Variants in CELF1 observed in about 807,000 individuals in gnomAD.
The protein encoded by CELF1 is CUGBP Elav-like family member 1.
In CELF1, 10 loss-of-function variants were observed where a neutral mutation model predicts 61.8. That is an observed-to-expected ratio of 0.16 (90% confidence interval 0.10 to 0.27). CELF1 has a LOEUF of 0.27. CELF1 is among the 10% of genes least tolerant of loss of function. The pLI is 1.00. For synonymous variants in CELF1, 236 were observed against 225.1 expected (o/e 1.05, Z -0.43); for missense variants, 380 against 639.1 (o/e 0.59, Z 4.37).
intron 1 of CELF1, among the ~76,000 whole-genome samples, chr11:47,526,327 GA>G (rs1303618730): frequency 6.6e-6 from 1 of 151,698 alleles, no homozygotes; most frequent in Non-Finnish European, 1.5e-5. Flanking sequence ...TCTCAAGGAA[GA>G]AAAAAAGAAG....
chr11:47,548,469 T>C (rs1021422200), intron 1 of CELF1, among the ~76,000 whole-genome samples: 6 of 152,098 alleles, frequency 3.9e-5, no homozygotes, highest in African/African-American at 1.2e-4. Context: ...ATATCGAACA[T>C]GAAATATTTT....
chr11:47,468,789 G>A lies in CELF1; in HGVS notation c.*3441C>T, dbSNP rs2077087786. 6.6e-6 allele frequency: 1 copy of A among 152,578 alleles called. No homozygotes were observed. Among genetic ancestry groups the A allele is most frequent in the African/African-American group, 2.4e-5 (1 of 41,430 alleles). 9.5% of individuals were successfully genotyped at this position (152,578 alleles called of 1,614,324 possible). ...CAAAGGTCAACACAAGGTCAAAGGT[G>A]AGAGTTCAAGCATCAGAGAAGCTGA... On this transcript the variant is annotated 3_prime_UTR_variant, in exon 15 of 15. Coordinates refer to ENST00000687097, the MANE Select transcript of CELF1 (RefSeq NM_001376376.1).
At chr11:47,506,870 A>G (rs1391978075) in intron 1 of CELF1, 2 of 152,264 alleles carry the variant, frequency 1.3e-5, no homozygotes, top group Non-Finnish European at 2.9e-5. Context: ...GTAGCTTTAC[A>G]CTTCCCTCTC....
chr11:47,532,133 C>G (rs572143698), intron 1 of CELF1, among the ~76,000 whole-genome samples: 1 of 151,980 alleles, frequency 6.6e-6, no homozygotes, highest in African/African-American at 2.4e-5. Context: ...CAGGTTCAAG[C>G]GATTCTCCTG....
At chr11:47,531,728 C>T (rs975897392) in intron 1 of CELF1, among the ~76,000 whole-genome samples, 3 of 152,198 alleles carry the variant, frequency 2.0e-5, no homozygotes, top group African/African-American at 7.2e-5. Flanking sequence ...CTGATTTTGC[C>T]TTAGAAGTAT....
intron 1 of CELF1, among the ~76,000 whole-genome samples, chr11:47,525,138 AG>A (rs2096170382): frequency 6.6e-6 from 1 of 152,228 alleles, no homozygotes; most frequent in Non-Finnish European, 1.5e-5. Context: ...AACTTTCACT[AG>A]TTCCTTGCTG....
intron 1 of CELF1, among the ~76,000 whole-genome samples, chr11:47,519,758 G>C (rs1285213473): frequency 6.6e-6 from 1 of 151,924 alleles, no homozygotes; most frequent in East Asian, 1.9e-4. Context: ...CGCTACTCGG[G>C]AGGCTGAGGC....
rs2096451564 is a variant in CELF1 at position 47,530,926 on chromosome 11, AGCC to A, written c.-154+22063_-154+22065del. 4.6e-5 allele frequency among the ~76,000 whole-genome samples: 7 copies of A among 152,088 alleles called. No individual in the cohort carries two copies. The South Asian group carries it at 1.5e-3, about 32-fold the overall frequency. On this transcript the variant is annotated intron_variant, in intron 1 of 14. Coordinates refer to ENST00000687097, the MANE Select transcript of CELF1 (RefSeq NM_001376376.1). The stretch of plus-strand genomic sequence containing the variant: ...GCCACAATCATGCCATTGCACTCCA[AGCC>A]TGGGCGACAAAGGAACACCCTGTCT...
chr11:47,541,781 C>CGAAA (rs1491154657), intron 1 of CELF1, among the ~76,000 whole-genome samples: 1 of 10,392 alleles, frequency 9.6e-5, no homozygotes, highest in African/African-American at 2.1e-4. Flanking sequence ...AAAGAAAGAA[C>CGAAA]GAAAGAAAGA....
intron 1 of CELF1, among the ~76,000 whole-genome samples, chr11:47,550,914 T>TTG (rs1369640822): frequency 1.3e-5 from 2 of 152,068 alleles, no homozygotes; most frequent in Non-Finnish European, 2.9e-5. Context: ...CTTGCCAAGG[T>TTG]TGTGTAACCA....
chr11:47,491,579 T>C (rs989733960), intron 3 of CELF1, among the ~76,000 whole-genome samples: 6 of 152,210 alleles, frequency 3.9e-5, no homozygotes, highest in Admixed American at 1.3e-4. Context: ...CCTAACCCTA[T>C]ATCTGTGAAG....
chr11:47,512,834 A>C (rs917022033), intron 1 of CELF1, among the ~76,000 whole-genome samples: 10 of 152,178 alleles, frequency 6.6e-5, no homozygotes, highest in Non-Finnish European at 1.5e-4. Context: ...CTCATGCTCC[A>C]GAGAGCCAAG....
chr11:47,521,507 G>C (rs1290286318), intron 1 of CELF1, among the ~76,000 whole-genome samples: 1 of 152,184 alleles, frequency 6.6e-6, no homozygotes, highest in Non-Finnish European at 1.5e-5. Flanking sequence ...CTGCTTACTA[G>C]CCAGGTAACT....
At chr11:47,518,648 C>CA (rs992182796) in intron 1 of CELF1, among the ~76,000 whole-genome samples, 2 of 152,180 alleles carry the variant, frequency 1.3e-5, no homozygotes, top group Non-Finnish European at 2.9e-5. Context: ...GATGCAATTG[C>CA]AAGCTTTATC....
intron 1 of CELF1, among the ~76,000 whole-genome samples, 172 bp downstream of exon 1, chr11:47,552,818 TGC>T (rs1189390601): frequency 2.0e-5 from 3 of 152,100 alleles, no homozygotes; most frequent in Non-Finnish European, 4.4e-5. Context: ...GACCCCGACA[TGC>T]AGGAGGAGAT....
At chr11:47,515,378 C>T (rs1368079114) in intron 1 of CELF1, among the ~76,000 whole-genome samples, 1 of 152,166 alleles carries the variant, frequency 6.6e-6, no homozygotes, top group East Asian at 1.9e-4. Context: ...GTCATTCAAC[C>T]TTTCCATAAT....
At chr11:47,473,351 T>C in intron 13 of CELF1, 120 bp from the exon 14 acceptor site, 1 of 901,620 alleles carries the variant, frequency 1.1e-6, no homozygotes, top group Non-Finnish European at 1.7e-6. Flanking sequence ...CAGAGATTCA[T>C]CTGGGGAACT....
intron 1 of CELF1, among the ~76,000 whole-genome samples, chr11:47,549,874 TG>T (rs2097093418): frequency 6.6e-6 from 1 of 151,420 alleles, no homozygotes; most frequent in Non-Finnish European, 1.5e-5. Flanking sequence ...TGGAGTGCAG[TG>T]GTGCAATCTC....
intron 9 of CELF1, among the ~76,000 whole-genome samples, chr11:47,480,538 C>T (rs1026738068): frequency 3.9e-5 from 6 of 152,330 alleles, no homozygotes; most frequent in Non-Finnish European, 7.4e-5. Context: ...GCTCTCAACA[C>T]ATGCCATCAT....
Sources: gnomAD v4.1 joint callset for allele counts (sites outside exome capture counted in the v4.1 genomes callset) on GRCh38, gnomAD v4.1.1 for gene constraint, MANE v1.5 for transcripts, NCBI Gene and HGNC (gene_info 2026-07-23, HGNC 2026-07-21) for gene names.